Variants in MRC1 observed in about 807,000 individuals in gnomAD.
MRC1 encodes mannose receptor C-type 1.
Under a neutral mutation model 102.9 loss-of-function variants are expected in MRC1, and 62 were observed. That is an observed-to-expected ratio of 0.60 (90% CI 0.49 to 0.74). MRC1 has a LOEUF of 0.74. Among genes scored for constraint, MRC1 ranks in the 30% least tolerant of loss-of-function variants. MRC1 has a pLI of 0.00. For missense variants in MRC1, 1,237 were observed against 862.8 expected, an observed-to-expected ratio of 1.43 and a Z score of -5.43; for synonymous variants, 457 against 298.4, an observed-to-expected ratio of 1.53 and a Z score of -5.48.
chr10:17,892,465 G>C (rs1476955917), intron 22 of MRC1, among the ~76,000 whole-genome samples: 1 of 152,052 alleles, frequency 6.6e-6, no homozygotes, highest in African/African-American at 2.4e-5. Context: ...CTCCAATCTG[G>C]GGGGCAGCTG....
At chr10:17,883,303 T>A (rs981526539) in intron 21 of MRC1, among the ~76,000 whole-genome samples, 10 of 152,144 alleles carry the variant, frequency 6.6e-5, no homozygotes, top group Admixed American at 5.2e-4. Context: ...AATTTTTAAA[T>A]TTTTTTGTAG....
intron 9 of MRC1, 100 bp downstream of exon 9, chr10:17,856,452 C>T: frequency 2.7e-6 from 2 of 745,922 alleles, no homozygotes; most frequent in Admixed American, 2.1e-5. Context: ...TTGCAGTAGC[C>T]AAGGGTTTCT....
rs577984441 is a variant in MRC1 at position 17,836,698 on chromosome 10, C to T, written c.802+2859C>T. Among the ~76,000 whole-genome samples the T allele has an allele frequency of 3.7e-4, 56 of 151,728 alleles. No individual in the cohort carries two copies. In the East Asian group the frequency reaches 6.2e-3, roughly 17 times the overall value. On this transcript the variant is annotated intron_variant, in intron 4 of 29. Coordinates refer to ENST00000569591, the MANE Select transcript of MRC1 (RefSeq NM_002438.4). The stretch of plus-strand genomic sequence containing the variant: ...AAAAATACAAAAAATTAGCTGGGCA[C>T]GGTGGCAGGCTCCTGTATTCCCAGC...
intron 3 of MRC1, 59 bp from the exon 4 acceptor site, chr10:17,833,616 A>G (rs1838615456): frequency 3.8e-5 from 30 of 780,856 alleles, no homozygotes; most frequent in South Asian, 3.1e-4. Flanking sequence ...AAATAATACT[A>G]TTCACTGGAA....
At position 17,881,253 on chromosome 10, in the gene MRC1, C is replaced by G; in HGVS notation, c.2980+72C>G. 3 of 739,780 alleles carry G rather than the reference C, an allele frequency of 4.1e-6. No individual in the cohort carries two copies. In the East Asian group the frequency reaches 7.3e-5, roughly 18 times the overall value. 45.8% of individuals were successfully genotyped at this position (739,780 alleles called of 1,614,324 possible). A position where few individuals can be genotyped will look rare whatever the true frequency, so the allele number is the denominator to read the frequency against. On this transcript the variant is annotated intron_variant, in intron 21 of 29. Coordinates refer to ENST00000569591, the MANE Select transcript of MRC1 (RefSeq NM_002438.4). Reference sequence around the variant, plus strand: ...CTGACTGCAAAATGGTAAAATATTGCTGACAGTAACTGACTTTTTGGTTTT... The same window carrying G: ...CTGACTGCAAAATGGTAAAATATTGGTGACAGTAACTGACTTTTTGGTTTT...
chr10:17,868,023 C>G (rs1833301603), intron 12 of MRC1, among the ~76,000 whole-genome samples: 1 of 152,076 alleles, frequency 6.6e-6, no homozygotes, highest in South Asian at 2.1e-4. Context: ...TCATTTTCTC[C>G]TTATGCAATC....
chr10:17,882,240 C>A (rs1833530532), intron 21 of MRC1, among the ~76,000 whole-genome samples: 1 of 152,050 alleles, frequency 6.6e-6, no homozygotes, highest in East Asian at 1.9e-4. Context: ...GGTTGAAAGA[C>A]CCTCAAGTTA....
At chr10:17,893,927 TGTTGGATAA>T (rs1833715878) in intron 22 of MRC1, among the ~76,000 whole-genome samples, 1 of 152,206 alleles carries the variant, frequency 6.6e-6, no homozygotes, top group African/African-American at 2.4e-5. Flanking sequence ...GTTTTTATAG[TGTTGGATAA>T]AAGGTCTGAT....
intron 23 of MRC1, among the ~76,000 whole-genome samples, chr10:17,896,633 A>T (rs1026478663): frequency 4.1e-4 from 63 of 152,352 alleles, no homozygotes; most frequent in East Asian, 1.2e-3. Context: ...ATAAACTTTT[A>T]TAAACTATAA....
chr10:17,848,337 T>C (rs1838857149), intron 6 of MRC1, among the ~76,000 whole-genome samples: 1 of 152,206 alleles, frequency 6.6e-6, no homozygotes, highest in Non-Finnish European at 1.5e-5. Flanking sequence ...ATATATCAAC[T>C]ATAACTTCAA....
chr10:17,818,932 G>C (rs782483388), intron 1 of MRC1, among the ~76,000 whole-genome samples: 1 of 152,158 alleles, frequency 6.6e-6, no homozygotes, highest in Non-Finnish European at 1.5e-5. Context: ...AAGGTGGTGT[G>C]GTTGGTGGTG....
intron 22 of MRC1, among the ~76,000 whole-genome samples, chr10:17,885,967 G>A (rs983100052): frequency 2.4e-4 from 37 of 152,022 alleles, no homozygotes; most frequent in African/African-American, 8.9e-4. Context: ...TAATTGAACA[G>A]CCAACTTATC....
intron 17 of MRC1, among the ~76,000 whole-genome samples, chr10:17,876,263 T>C (rs887976857): frequency 2.2e-4 from 33 of 151,526 alleles, no homozygotes; most frequent in East Asian, 2.1e-3. Flanking sequence ...TTTTTTTTTT[T>C]CTGAGACAGT....
chr10:17,848,812 G>A (rs1180483475), intron 6 of MRC1, among the ~76,000 whole-genome samples: 1 of 152,144 alleles, frequency 6.6e-6, no homozygotes, highest in Non-Finnish European at 1.5e-5. Context: ...GTTTTGGGTA[G>A]CAACTAAATG....
At position 17,910,649 on chromosome 10, in the gene MRC1, A is replaced by G; in HGVS notation, c.*184A>G. The G allele has an allele frequency of 1.5e-6, 1 of 661,882 alleles. No individual in the cohort carries two copies. The highest frequency in any genetic ancestry group is 2.7e-6 in the Non-Finnish European group (1 of 369,268). The allele number at this position is 661,882 out of a possible 1,614,324, so 41.0% of individuals were successfully genotyped here. A position where few individuals can be genotyped will look rare whatever the true frequency, so the allele number is the denominator to read the frequency against. On this transcript the variant is annotated 3_prime_UTR_variant, in exon 30 of 30. Transcript: ENST00000569591. ...TAGCCTGGCAAGATATTTTCATAAAAGAGGGATAACAATGCTGATTACTAC... is the reference window on the plus strand; with the variant it reads ...TAGCCTGGCAAGATATTTTCATAAAGGAGGGATAACAATGCTGATTACTAC...
At chr10:17,872,889 C>T (rs1403778180) in intron 15 of MRC1, among the ~76,000 whole-genome samples, 1 of 152,182 alleles carries the variant, frequency 6.6e-6, no homozygotes, top group Non-Finnish European at 1.5e-5. Context: ...CTGCATTGCC[C>T]TCTGCTGTTG....
chr10:17,892,870 C>T (rs1276382518), intron 22 of MRC1, among the ~76,000 whole-genome samples: 5 of 151,914 alleles, frequency 3.3e-5, no homozygotes, highest in Admixed American at 1.3e-4. Context: ...ATTAGCTGGG[C>T]GTGGTGGCAC....
intron 3 of MRC1, among the ~76,000 whole-genome samples, chr10:17,832,601 T>C (rs1838592613): frequency 6.8e-6 from 1 of 147,704 alleles, no homozygotes; most frequent in Non-Finnish European, 1.5e-5. Context: ...ATTTATTTAG[T>C]TTTTGAGACG....
chr10:17,826,468 C>A (rs1010129289), intron 2 of MRC1, among the ~76,000 whole-genome samples: 1 of 152,186 alleles, frequency 6.6e-6, no homozygotes, highest in Non-Finnish European at 1.5e-5. Context: ...TCTCAAAGCG[C>A]TGGGATTGCA....
Sources: allele counts gnomAD v4.1 joint callset (sites outside exome capture counted in the v4.1 genomes callset), GRCh38; gene constraint gnomAD v4.1.1; transcripts MANE v1.5; gene names NCBI Gene and HGNC (gene_info 2026-07-23, HGNC 2026-07-21).